The following TBC1D22A variants were observed in gnomAD, a reference collection of about 807,000 sequenced individuals.
TBC1D22A encodes the protein TBC1 domain family member 22A, also known as putative GTPase activator.
TBC1D22A carries 38 observed loss-of-function variants against 60.2 expected under a neutral mutation model. That is an observed-to-expected ratio of 0.63 (90% CI 0.49 to 0.83). The LOEUF (loss-of-function observed/expected upper bound fraction) is 0.83. Ranked by LOEUF, TBC1D22A falls within the 40% of genes least tolerant of loss-of-function variation. TBC1D22A has a pLI of 0.00. For missense variants in TBC1D22A, 628 were observed against 701.0 expected (o/e 0.90, Z 1.18); for synonymous variants, 302 against 281.7 (o/e 1.07, Z -0.72).
chr22:46,910,525 A>G (rs563955882), intron 7 of TBC1D22A, among the ~76,000 whole-genome samples: 32 of 151,922 alleles, frequency 2.1e-4, no homozygotes, highest in South Asian at 2.1e-4. Flanking sequence ...CCTGAAGTCT[A>G]CCTCCTGTGC....
chr22:47,118,438 C>T (rs2066148714), intron 12 of TBC1D22A, among the ~76,000 whole-genome samples: 1 of 152,172 alleles, frequency 6.6e-6, no homozygotes, highest in African/African-American at 2.4e-5. Flanking sequence ...GGAAATGACC[C>T]TGTAATTACA....
At chr22:46,858,461 AC>A (rs376169833) in intron 4 of TBC1D22A, among the ~76,000 whole-genome samples, 4 of 151,330 alleles carry the variant, frequency 2.6e-5, no homozygotes, top group Non-Finnish European at 5.9e-5. Flanking sequence ...TGTGGCAAAC[AC>A]CCCCCCCAGC....
intron 4 of TBC1D22A, among the ~76,000 whole-genome samples, chr22:46,861,415 T>C (rs1487341529): frequency 6.6e-6 from 1 of 152,218 alleles, no homozygotes; most frequent in Non-Finnish European, 1.5e-5. Context: ...GGCCTCTCTG[T>C]GTGTTTTACC....
At chr22:47,052,768 A>T (rs2063266798) in intron 11 of TBC1D22A, among the ~76,000 whole-genome samples, 1 of 152,186 alleles carries the variant, frequency 6.6e-6, no homozygotes, top group African/African-American at 2.4e-5. Context: ...GGCCTCCCAC[A>T]GTACCCCCGG....
intron 12 of TBC1D22A, among the ~76,000 whole-genome samples, chr22:47,120,117 C>T (rs545725697): frequency 4.6e-5 from 7 of 152,278 alleles, no homozygotes; most frequent in South Asian, 4.1e-4. Context: ...TAACTCTGTC[C>T]GGCTTGCACT....
intron 12 of TBC1D22A, among the ~76,000 whole-genome samples, chr22:47,154,954 G>A (rs764197519): frequency 4.6e-5 from 7 of 152,214 alleles, no homozygotes; most frequent in Non-Finnish European, 7.3e-5. Context: ...CCTGCTGCCC[G>A]CTGGGCATTT....
At chr22:46,938,248 G>T (rs2071774976) in intron 8 of TBC1D22A, among the ~76,000 whole-genome samples, 1 of 152,132 alleles carries the variant, frequency 6.6e-6, no homozygotes, top group African/African-American at 2.4e-5. Flanking sequence ...TACCTTTTCT[G>T]TGTTTAGATA....
rs1460492454 is a variant in TBC1D22A, at chr22:46,969,256, C to T, written c.1016-5034C>T. ...AATAACTGCTCATTGTGAAAATTGACATTCCCTTTTACTCTCTGCCCTTCT... is the reference window on the plus strand; with the variant it reads ...AATAACTGCTCATTGTGAAAATTGATATTCCCTTTTACTCTCTGCCCTTCT... On this transcript the variant is annotated intron_variant, in intron 8 of 12. Transcript: ENST00000337137. Among the ~76,000 whole-genome samples the T allele has an allele frequency of 2.0e-5, 3 of 152,172 alleles. No homozygotes were observed. In the East Asian group the frequency reaches 5.8e-4, roughly 29 times the overall value.
chr22:46,973,015 C>A (rs1166040454), intron 8 of TBC1D22A, among the ~76,000 whole-genome samples: 1 of 152,216 alleles, frequency 6.6e-6, no homozygotes, highest in Non-Finnish European at 1.5e-5. Context: ...CACGGAGGCG[C>A]TCTTGCCCTT....
chr22:46,774,201 G>A, intron 1 of TBC1D22A: 1 of 985,562 alleles, frequency 1.0e-6, no homozygotes, highest in Non-Finnish European at 1.2e-6. Context: ...AACCAGGCTT[G>A]CTGTGCTCGG....
chr22:46,790,379 C>T (rs971348477), intron 1 of TBC1D22A, among the ~76,000 whole-genome samples: 1 of 152,240 alleles, frequency 6.6e-6, no homozygotes, highest in Non-Finnish European at 1.5e-5. Context: ...CCAGGATGGT[C>T]TCCCACCTCA....
intron 10 of TBC1D22A, among the ~76,000 whole-genome samples, chr22:47,024,593 C>T (rs535061466): frequency 1.3e-5 from 2 of 152,248 alleles, no homozygotes; most frequent in South Asian, 4.2e-4. Context: ...GTTGCTCAAA[C>T]CCATAGTCCC....
At chr22:46,997,316 T>C (rs2075153826) in intron 9 of TBC1D22A, among the ~76,000 whole-genome samples, 1 of 152,246 alleles carries the variant, frequency 6.6e-6, no homozygotes, top group Non-Finnish European at 1.5e-5. Context: ...CAATGAGCTA[T>C]GCCCATGGAT....
chr22:46,923,607 C>T (rs916243955), intron 8 of TBC1D22A, among the ~76,000 whole-genome samples: 2 of 152,264 alleles, frequency 1.3e-5, no homozygotes. Context: ...GTGCGGGGCA[C>T]TTGCCCGCTC....
intron 4 of TBC1D22A, among the ~76,000 whole-genome samples, chr22:46,799,443 C>T (rs956346145): frequency 2.2e-4 from 33 of 152,216 alleles, no homozygotes; most frequent in African/African-American, 6.0e-4. Context: ...GACATTCCCT[C>T]AGTATCATCA....
intron 12 of TBC1D22A, among the ~76,000 whole-genome samples, chr22:47,118,765 T>C (rs948878000): frequency 4.0e-5 from 6 of 150,232 alleles, no homozygotes; most frequent in Admixed American, 4.0e-4. Context: ...AACATAGTCC[T>C]CCTCTGTGTT....
chr22:46,943,285 G>T (rs768719983), intron 8 of TBC1D22A, among the ~76,000 whole-genome samples: 13 of 152,208 alleles, frequency 8.5e-5, no homozygotes, highest in Non-Finnish European at 1.6e-4. Context: ...GGTGGAGTTG[G>T]ACTGGAGGCT....
chr22:46,775,016 G>T (rs182034422), intron 1 of TBC1D22A, among the ~76,000 whole-genome samples: 1 of 152,346 alleles, frequency 6.6e-6, no homozygotes, highest in African/African-American at 2.4e-5. Context: ...AATAAAATAG[G>T]CTTGCTGGCT....
intron 8 of TBC1D22A, chr22:46,915,157 C>T (rs1261406581): frequency 2.9e-6 from 1 of 341,682 alleles, no homozygotes; most frequent in Non-Finnish European, 5.8e-6. Flanking sequence ...CCCCCAGCCA[C>T]TGTGCTCAGG....
Sources: allele counts gnomAD v4.1 joint callset (sites outside exome capture counted in the v4.1 genomes callset), GRCh38; gene constraint gnomAD v4.1.1; transcripts MANE v1.5; gene names NCBI Gene and HGNC (gene_info 2026-07-23, HGNC 2026-07-21).